BPTF: variants seen among roughly 807,000 people sequenced by gnomAD.
The protein encoded by BPTF is bromodomain PHD finger transcription factor.
In BPTF, 18 loss-of-function variants were observed where a neutral mutation model predicts 292.5. The observed-to-expected ratio is 0.06, with a 90% CI of 0.04 to 0.09. The LOEUF (loss-of-function observed/expected upper bound fraction) is 0.09. BPTF is among the 10% of genes least tolerant of loss of function. The pLI is 1.00. For missense variants in BPTF, 2,726 were observed against 3,498.7 expected (o/e 0.78, Z 5.57); for synonymous variants, 1,225 against 1,251.9 (o/e 0.98, Z 0.45).
intron 12 of BPTF, among the ~76,000 whole-genome samples, chr17:67,919,386 A>G (rs2147153937): frequency 6.6e-6 from 1 of 152,026 alleles, no homozygotes; most frequent in East Asian, 1.9e-4. Context: ...ACTCTAATTT[A>G]AAAAGAAAAA....
At chr17:67,832,163 C>T (rs994687555) in intron 1 of BPTF, among the ~76,000 whole-genome samples, 1 of 151,962 alleles carries the variant, frequency 6.6e-6, no homozygotes, top group African/African-American at 2.4e-5. Flanking sequence ...GCTGGGATTA[C>T]AGGGGTGAGC....
rs75015132 is a variant in BPTF at position 67,903,864 on chromosome 17, A to G, written c.2619A>G (p.Glu873=). Residue 873 remains glutamate (E), a synonymous_variant, in exon 8 of 28, where the codon GAA becomes GAG. Transcript: ENST00000306378. The part of the protein sequence containing the change: ...VKKKEKKQEE[E]ETMQQATWVK... ...AAAAAGAGAAGAAACAGGAAGAAGA[A>G]GAAACGATGCAGCAAGCGACATGGG... The G allele has an allele frequency of 2.1e-3, 3,325 of 1,593,466 alleles. 58 individuals are homozygous for G. In the African/African-American group the frequency reaches 0.04, roughly 19 times the overall value.
At chr17:67,871,310 T>C (rs2059717786) in intron 3 of BPTF, among the ~76,000 whole-genome samples, 1 of 151,856 alleles carries the variant, frequency 6.6e-6, no homozygotes, top group Non-Finnish European at 1.5e-5. Flanking sequence ...GGCTTGGTGG[T>C]GCACGCCTGC....
At chr17:67,906,732 A>G (rs1463564637) in intron 9 of BPTF, among the ~76,000 whole-genome samples, 1 of 151,686 alleles carries the variant, frequency 6.6e-6, no homozygotes, top group African/African-American at 2.4e-5. Context: ...TTTTATATCT[A>G]TTTTCTCACA....
chr17:67,847,902 A>G (rs1567891861), intron 1 of BPTF, among the ~76,000 whole-genome samples: 1 of 152,194 alleles, frequency 6.6e-6, no homozygotes, highest in Non-Finnish European at 1.5e-5. Flanking sequence ...AAAGATTTCA[A>G]TGCATCACAG....
chr17:67,923,772 G>A (rs1327363556), intron 14 of BPTF, among the ~76,000 whole-genome samples: 6 of 151,254 alleles, frequency 4.0e-5, no homozygotes, highest in South Asian at 4.2e-4. Context: ...GAGCCACCGC[G>A]CCCGGCCCTC....
At position 67,886,098 on chromosome 17, in the gene BPTF, A is replaced by G. The variant is rs371990788; in HGVS notation, c.1865-5746A>G. 2.1e-6 allele frequency: 3 copies of G among 1,453,612 alleles called. No homozygotes were observed. The African/African-American group carries it at 4.2e-5, about 21-fold the overall frequency. 90.0% of individuals were successfully genotyped at this position (1,453,612 alleles called of 1,614,324 possible). The stretch of plus-strand genomic sequence containing the variant: ...TTCGTCATTTTTCATGTGATTTCCA[A>G]TTTAAAAATCAGATATTCTATTTTT... On this transcript the variant is annotated intron_variant, in intron 4 of 27. Coordinates refer to ENST00000306378, the MANE Select transcript of BPTF (RefSeq NM_182641.4).
At chr17:67,876,050 T>C (rs953446015) in intron 4 of BPTF, among the ~76,000 whole-genome samples, 4 of 152,350 alleles carry the variant, frequency 2.6e-5, no homozygotes, top group African/African-American at 7.2e-5. Context: ...TAATTACTTA[T>C]GTACTAATGG....
chr17:67,922,788 C>T (rs2063546324), intron 13 of BPTF, 52 bp from the exon 14 acceptor site: 31 of 1,549,576 alleles, frequency 2.0e-5, no homozygotes, highest in Non-Finnish European at 2.7e-5. Context: ...GCCAGAAGTA[C>T]TTTAATTTTA....
At chr17:67,964,133 A>G (rs1439708258) in intron 24 of BPTF, 79 bp from the exon 25 acceptor site, 8 of 1,452,380 alleles carry the variant, frequency 5.5e-6, no homozygotes, top group Admixed American at 4.0e-5. Context: ...GGGTTTAGCA[A>G]ATTTTCAGGT....
intron 14 of BPTF, among the ~76,000 whole-genome samples, chr17:67,923,804 T>C (rs960844838): frequency 1.1e-4 from 16 of 151,900 alleles, no homozygotes; most frequent in African/African-American, 3.9e-4. Context: ...TAATGTGTTG[T>C]CCATTTGTCG....
Position 67,913,012 on chromosome 17 carries a change from A to C in BPTF, c.5128A>C (p.Lys1710Gln). ...RSGTALPSYR[K>Q]FVTKSSKKSI... ...AGGTACAGCTCTGCCATCCTATAGA[A>C]AATTTGTTACCAAGAGCAGCAAGAA... The change falls in exon 11 of 28, where the codon AAA (lysine) becomes CAA (glutamine). Residue 1710 changes from lysine to glutamine, a missense_variant. This residue lies in a region of BPTF where 24 missense variants were observed against 57.5 expected (regional missense o/e 0.42). Coordinates refer to ENST00000306378, the MANE Select transcript of BPTF (RefSeq NM_182641.4). The C allele has an allele frequency of 6.2e-7, 1 of 1,614,206 alleles. No individual in the cohort carries two copies.
chr17:67,847,429 G>A (rs1466013342), intron 1 of BPTF, among the ~76,000 whole-genome samples: 2 of 152,026 alleles, frequency 1.3e-5, no homozygotes, highest in Non-Finnish European at 2.9e-5. Flanking sequence ...CAGAAGAATA[G>A]CGTGAACCGG....
intron 2 of BPTF, among the ~76,000 whole-genome samples, chr17:67,855,846 A>G (rs567406925): frequency 6.6e-6 from 1 of 152,320 alleles, no homozygotes; most frequent in African/African-American, 2.4e-5. Context: ...AGGAGAGTTG[A>G]AACTTTATCA....
At chr17:67,972,453 A>C (rs1318560850) in intron 26 of BPTF, among the ~76,000 whole-genome samples, 1 of 152,128 alleles carries the variant, frequency 6.6e-6, no homozygotes, top group East Asian at 1.9e-4. Context: ...TTGGTTGACC[A>C]GGCTGGTCTC....
intron 18 of BPTF, among the ~76,000 whole-genome samples, chr17:67,940,018 C>G (rs1003828694): frequency 2.0e-5 from 3 of 152,102 alleles, no homozygotes; most frequent in Non-Finnish European, 4.4e-5. Context: ...CCAGAATATT[C>G]CAGATTCTTT....
chr17:67,864,421 CAG>C (rs750791154), intron 2 of BPTF, among the ~76,000 whole-genome samples: 28 of 150,200 alleles, frequency 1.9e-4, no homozygotes, highest in Non-Finnish European at 3.4e-4. Flanking sequence ...CCAGCTTCTT[CAG>C]AGGCTGAGGC....
In BPTF at chr17:67,912,309, T is replaced by C; in HGVS notation, c.4425T>C (p.Phe1475=). 1 of 1,613,962 alleles carries C rather than the reference T, an allele frequency of 6.2e-7. No homozygotes were observed. The highest frequency in any genetic ancestry group is 8.5e-7 in the Non-Finnish European group (1 of 1,179,882). ...FINGDVIMED[F]NERNSSETKS... ...ATGGTGATGTCATCATGGAAGATTT[T>C]AATGAAAGAAACAGCTCCGAAACAA... Residue 1475 remains phenylalanine (F), a synonymous_variant, in exon 11 of 28, where the codon TTT becomes TTC. Coordinates refer to ENST00000306378, the MANE Select transcript of BPTF (RefSeq NM_182641.4).
At chr17:67,838,555 C>T (rs1252640210) in intron 1 of BPTF, among the ~76,000 whole-genome samples, 1 of 152,214 alleles carries the variant, frequency 6.6e-6, no homozygotes, top group Admixed American at 6.5e-5. Context: ...TGGCTCACTG[C>T]AACCTCCACC....
Sources: gnomAD v4.1 joint callset for allele counts (sites outside exome capture counted in the v4.1 genomes callset) on GRCh38, gnomAD v4.1.1 for gene constraint, gnomAD v4.1.1 regional missense constraint, MANE v1.5 for transcripts, NCBI Gene and HGNC (gene_info 2026-07-23, HGNC 2026-07-21) for gene names.